Variants in ELFN2 observed in about 807,000 individuals in gnomAD.
ELFN2 encodes protein phosphatase 1 regulatory subunit 29.
Under a neutral mutation model 45.5 loss-of-function variants are expected in ELFN2, and 17 were observed. That is an observed-to-expected ratio of 0.37 (90% CI 0.26 to 0.56). The LOEUF (loss-of-function observed/expected upper bound fraction) is 0.56, where lower values mean the gene tolerates loss of function less well. Among genes scored for constraint, ELFN2 ranks in the 20% least tolerant of loss-of-function variants. The pLI is 0.77. For missense variants in ELFN2, 922 were observed against 1,183.2 expected, an observed-to-expected ratio of 0.78 and a Z score of 3.24; for synonymous variants, 550 against 551.5, an observed-to-expected ratio of 1.00 and a Z score of 0.04.
chr22:37,392,318 C>CT (rs1285741986), intron 2 of ELFN2, among the ~76,000 whole-genome samples: 31,841 of 131,064 alleles, frequency 0.24, 4,316 homozygotes, highest in East Asian at 0.43. Flanking sequence ...GTTGGATTCT[C>CT]TTTTTTTTTT....
intron 1 of ELFN2, chr22:37,354,896 G>A (rs983378329): frequency 6.6e-6 from 1 of 152,174 alleles, no homozygotes. Context: ...TCCCCTGGGG[G>A]TAAGGTTGCC....
chr22:37,373,825 C>T lies in ELFN2; in HGVS notation c.1710G>A (p.Gly570=). 6.2e-7 allele frequency: 1 copy of T among 1,612,942 alleles called. No homozygotes were observed. Among genetic ancestry groups the T allele is most frequent in the Non-Finnish European group, 8.5e-7 (1 of 1,179,924 alleles). ...ASFLGGGSSS[G]DPELAFECQS... is the part of the protein sequence containing the mutation. ...GGCACTCGAAGGCCAGCTCGGGGTC[C>T]CCACTGCTGCTGCCGCCTCCCAGAA... The change falls in exon 3 of 3, where the codon GGG becomes GGA. Residue 570 remains glycine (G), a synonymous_variant. Transcript: ENST00000402918.
chr22:37,357,863 T>C (rs925255664), intron 1 of ELFN2, among the ~76,000 whole-genome samples: 4 of 152,206 alleles, frequency 2.6e-5, no homozygotes, highest in African/African-American at 7.2e-5. Context: ...CTCTGTACTG[T>C]CATCGACTTC....
chr22:37,345,159 A>G (rs914160525), intron 1 of ELFN2, among the ~76,000 whole-genome samples: 2 of 152,066 alleles, frequency 1.3e-5, no homozygotes, highest in Non-Finnish European at 2.9e-5. Flanking sequence ...AGCACCTTTC[A>G]TCCTGACACA....
intron 2 of ELFN2, among the ~76,000 whole-genome samples, chr22:37,392,079 T>C (rs1479321254): frequency 6.6e-6 from 1 of 152,258 alleles, no homozygotes; most frequent in Non-Finnish European, 1.5e-5. Flanking sequence ...TTGTTCTTCC[T>C]TCTTGCTGTC....
At chr22:37,377,279 T>A (rs1931608038) in intron 2 of ELFN2, among the ~76,000 whole-genome samples, 1 of 152,126 alleles carries the variant, frequency 6.6e-6, no homozygotes, top group Admixed American at 6.5e-5. Context: ...TGGACAGACC[T>A]CAGCCCCAGC....
At chr22:37,387,198 T>A (rs1299645224) in intron 2 of ELFN2, among the ~76,000 whole-genome samples, 2 of 152,172 alleles carry the variant, frequency 1.3e-5, no homozygotes, top group Admixed American at 1.3e-4. Context: ...CCCTCTCTGA[T>A]GTCCAGGCCC....
At chr22:37,364,765 G>C (rs112481952), downstream of ELFN2, among the ~76,000 whole-genome samples, 198 of 152,348 alleles carry the variant, frequency 1.3e-3, 1 homozygote, top group African/African-American at 4.5e-3. Context: ...TGGAGAACAG[G>C]AGTCTGAGAA....
rs1020610708 is a variant in ELFN2 at position 37,377,485 on chromosome 22, T to TA, written c.-462-1490dup. ...AAAGTCCAGGAAAGAGAAGAGTGCT[T>TA]AAAAAAAAATTTAAACCTTTGCCAT... On this transcript the variant is annotated intron_variant, in intron 2 of 2. Transcript: ENST00000402918. Among the ~76,000 whole-genome samples, 46 of 151,872 alleles carry TA rather than the reference T, an allele frequency of 3.0e-4. 2 individuals are homozygous for TA. Among genetic ancestry groups the TA allele is most frequent in the Admixed American group, 3.3e-4 (5 of 15,260 alleles).
intron 2 of ELFN2, among the ~76,000 whole-genome samples, chr22:37,397,276 G>A (rs1932238037): frequency 6.6e-6 from 1 of 152,204 alleles, no homozygotes; most frequent in South Asian, 2.1e-4. Context: ...TGCCCCCAGT[G>A]AGAAGCCTGG....
At chr22:37,360,391 T>C (rs77946771) in intron 1 of ELFN2, among the ~76,000 whole-genome samples, 2,296 of 152,332 alleles carry the variant, frequency 0.015, 23 homozygotes, top group Non-Finnish European at 0.02. Flanking sequence ...CTTTTCCTCA[T>C]TGGAGTACAA....
At chr22:37,379,538 C>T (rs1321675076) in intron 2 of ELFN2, among the ~76,000 whole-genome samples, 2 of 152,220 alleles carry the variant, frequency 1.3e-5, no homozygotes, top group Non-Finnish European at 2.9e-5. Context: ...CACCAGCTCT[C>T]TTTAAGGGGC....
chr22:37,395,397 G>A (rs995749228), intron 2 of ELFN2, among the ~76,000 whole-genome samples: 8 of 152,250 alleles, frequency 5.3e-5, no homozygotes, highest in Middle Eastern at 3.4e-3. Flanking sequence ...CCTGGGAGAC[G>A]GGCACTGTTA....
chr22:37,407,926 C>T (rs1192595018), intron 2 of ELFN2, among the ~76,000 whole-genome samples: 1 of 152,074 alleles, frequency 6.6e-6, no homozygotes, highest in Non-Finnish European at 1.5e-5. Flanking sequence ...AAAGGCCCCA[C>T]CCAGCAATTA....
chr22:37,424,951 C>G (rs1932837078), intron 1 of ELFN2, among the ~76,000 whole-genome samples: 1 of 152,076 alleles, frequency 6.6e-6, no homozygotes, highest in Non-Finnish European at 1.5e-5. Context: ...GCACCCGCCC[C>G]CCACAAGGCC....
chr22:37,348,115 G>A (rs1454515984), intron 1 of ELFN2, among the ~76,000 whole-genome samples: 1 of 152,212 alleles, frequency 6.6e-6, no homozygotes, highest in African/African-American at 2.4e-5. Context: ...CAATTGGGAT[G>A]CCCTCCTCAT....
chr22:37,364,845 C>A (rs989217035), downstream of ELFN2, among the ~76,000 whole-genome samples: 1 of 152,140 alleles, frequency 6.6e-6, no homozygotes, highest in Non-Finnish European at 1.5e-5. Flanking sequence ...AGGCTGCCCC[C>A]GAACAAAGGC....
chr22:37,382,561 TTAA>T (rs750367507), intron 2 of ELFN2, among the ~76,000 whole-genome samples: 29 of 62,280 alleles, frequency 4.7e-4, no homozygotes, highest in African/African-American at 7.6e-4. Context: ...TTTTTTTTTT[TTAA>T]AAACAGACTC....
At chr22:37,354,308 G>A (rs112911785) in intron 1 of ELFN2, 3 of 152,214 alleles carry the variant, frequency 2.0e-5, no homozygotes, top group Admixed American at 6.5e-5. Flanking sequence ...TGCCATGGGT[G>A]TGTTCACTTT....
Sources: gnomAD v4.1 joint callset for allele counts (sites outside exome capture counted in the v4.1 genomes callset) on GRCh38, gnomAD v4.1.1 for gene constraint, MANE v1.5 for transcripts, NCBI Gene and HGNC (gene_info 2026-07-23, HGNC 2026-07-21) for gene names.